TSPAN18: variants seen among roughly 807,000 people sequenced by gnomAD.
TSPAN18 encodes tetraspanin 18, also known as tetraspanin-18.
In TSPAN18, 14 loss-of-function variants were observed where a neutral mutation model predicts 27.3. That is an observed-to-expected ratio of 0.51 (90% CI 0.34 to 0.80). The LOEUF is 0.80. TSPAN18 is among the 30% of genes least tolerant of loss of function. The pLI, the probability that TSPAN18 is intolerant of heterozygous loss-of-function variation, is 0.01. For synonymous variants in TSPAN18, 143 were observed against 136.5 expected (o/e 1.05, Z -0.33); for missense variants, 268 against 323.9 (o/e 0.83, Z 1.32).
At chr11:44,852,126 C>T (rs1857621637) in intron 2 of TSPAN18, among the ~76,000 whole-genome samples, 1 of 152,178 alleles carries the variant, frequency 6.6e-6, no homozygotes, top group Admixed American at 6.5e-5. Context: ...ATTTCACCAC[C>T]CATTGGTCGA....
At chr11:44,894,544 C>T (rs1204620207) in intron 3 of TSPAN18, among the ~76,000 whole-genome samples, 4 of 152,240 alleles carry the variant, frequency 2.6e-5, no homozygotes, top group Non-Finnish European at 2.9e-5. Context: ...CCCTCCTGGG[C>T]CCCTGCTCCG....
chr11:44,923,944 G>A (rs980296246), intron 8 of TSPAN18, among the ~76,000 whole-genome samples: 2 of 152,158 alleles, frequency 1.3e-5, no homozygotes, highest in African/African-American at 2.4e-5. Context: ...AGGGGAAGAT[G>A]AGCTGTCAAG....
intron 2 of TSPAN18, among the ~76,000 whole-genome samples, chr11:44,816,194 T>C (rs1856815427): frequency 6.6e-6 from 1 of 152,192 alleles, no homozygotes; most frequent in East Asian, 1.9e-4. Flanking sequence ...GGCACTGGAC[T>C]GAAAAGGTGC....
chr11:44,808,650 T>C (rs1856652332), intron 2 of TSPAN18, among the ~76,000 whole-genome samples: 1 of 152,232 alleles, frequency 6.6e-6, no homozygotes, highest in Non-Finnish European at 1.5e-5. Context: ...AGAAAGCAAT[T>C]TGAACATGAA....
At chr11:44,764,794 G>A (rs535441120) in intron 2 of TSPAN18, among the ~76,000 whole-genome samples, 1 of 152,276 alleles carries the variant, frequency 6.6e-6, no homozygotes, top group East Asian at 1.9e-4. Context: ...GAGCTCCTGG[G>A]GGCTCCAGGC....
chr11:44,833,817 C>A (rs770841557), intron 2 of TSPAN18, among the ~76,000 whole-genome samples: 2 of 151,886 alleles, frequency 1.3e-5, no homozygotes, highest in African/African-American at 4.8e-5. Context: ...CCTGGTGGGT[C>A]TCTGGGATCT....
intron 4 of TSPAN18, among the ~76,000 whole-genome samples, chr11:44,907,296 G>T (rs1279829645): frequency 6.6e-6 from 1 of 152,166 alleles, no homozygotes; most frequent in Non-Finnish European, 1.5e-5. Context: ...GGCCCCCACA[G>T]GCTTTCCTGG....
At chr11:44,809,362 G>T (rs1856666876) in intron 2 of TSPAN18, among the ~76,000 whole-genome samples, 1 of 151,778 alleles carries the variant, frequency 6.6e-6, no homozygotes, top group Admixed American at 6.6e-5. Flanking sequence ...GCATCCCCAG[G>T]ACCCGGCATG....
At chr11:44,893,375 A>G (rs1441885617) in intron 3 of TSPAN18, among the ~76,000 whole-genome samples, 1 of 152,180 alleles carries the variant, frequency 6.6e-6, no homozygotes, top group East Asian at 1.9e-4. Context: ...CAGGAGCCTA[A>G]TTAGATTTTA....
chr11:44,929,837 G>A lies in TSPAN18; in HGVS notation c.*659G>A, dbSNP rs1360553998. 1 of 152,630 alleles carries A rather than the reference G, an allele frequency of 6.6e-6. No individual in the cohort carries two copies. The highest frequency in any genetic ancestry group is 6.5e-5 in the Admixed American group (1 of 15,300). 9.5% of individuals were successfully genotyped at this position (152,630 alleles called of 1,614,324 possible). ...GACCATCCACAGACACACAGCACAG[G>A]CGTGACAGTTCTGAAAAGAAGCTGA... On this transcript the variant is annotated 3_prime_UTR_variant, in exon 10 of 10. Coordinates refer to ENST00000520358, the MANE Select transcript of TSPAN18 (RefSeq NM_130783.5).
intron 3 of TSPAN18, chr11:44,886,092 G>A (rs560147145): frequency 1.3e-5 from 2 of 152,330 alleles, no homozygotes; most frequent in African/African-American, 4.8e-5. Context: ...GCCTGCCTTC[G>A]AGGTTCAGGA....
At chr11:44,778,059 TG>T (rs1855855424) in intron 2 of TSPAN18, among the ~76,000 whole-genome samples, 1 of 150,880 alleles carries the variant, frequency 6.6e-6, no homozygotes, top group Non-Finnish European at 1.5e-5. Context: ...ATGCTCCAGG[TG>T]GGGGGTGGGG....
chr11:44,790,228 C>A (rs550967569), intron 2 of TSPAN18, among the ~76,000 whole-genome samples: 2 of 140,840 alleles, frequency 1.4e-5, no homozygotes, highest in African/African-American at 2.7e-5. Flanking sequence ...TGTGTATGTC[C>A]ATGTGTTTGT....
chr11:44,762,006 A>G (rs1855464828), intron 1 of TSPAN18, among the ~76,000 whole-genome samples: 1 of 152,202 alleles, frequency 6.6e-6, no homozygotes. Context: ...TTTACATCAA[A>G]GAAAAGGGGT....
intron 2 of TSPAN18, among the ~76,000 whole-genome samples, chr11:44,843,274 G>A (rs1031273833): frequency 3.3e-5 from 5 of 152,144 alleles, no homozygotes; most frequent in Non-Finnish European, 5.9e-5. Context: ...GGCATCCGGG[G>A]GAGACATCAC....
chr11:44,745,026 G>A (rs1005649967), intron 1 of TSPAN18, among the ~76,000 whole-genome samples: 2 of 152,190 alleles, frequency 1.3e-5, no homozygotes, highest in African/African-American at 2.4e-5. Flanking sequence ...GGGAATAGAT[G>A]TGGGGAACTT....
intron 3 of TSPAN18, among the ~76,000 whole-genome samples, chr11:44,863,381 T>A (rs1159304280): frequency 6.6e-6 from 1 of 152,216 alleles, no homozygotes; most frequent in Non-Finnish European, 1.5e-5. Context: ...GGGGCCATCT[T>A]GTCTTCAAGG....
intron 2 of TSPAN18, among the ~76,000 whole-genome samples, chr11:44,788,456 C>CTTTTTTTTTTTTTTTTTTT (rs11458938): frequency 7.9e-6 from 1 of 126,802 alleles, no homozygotes; most frequent in African/African-American, 3.0e-5. Context: ...CTTTTTTTCT[C>CTTTTTTTTTTTTTTTTTTT]TTTTTTTTTT....
intron 2 of TSPAN18, among the ~76,000 whole-genome samples, chr11:44,850,050 C>T (rs1857564310): frequency 6.6e-6 from 1 of 152,076 alleles, no homozygotes; most frequent in Admixed American, 6.5e-5. Flanking sequence ...CTACGTGACC[C>T]CTAATAACCC....
Sources: allele counts gnomAD v4.1 joint callset (sites outside exome capture counted in the v4.1 genomes callset), GRCh38; gene constraint gnomAD v4.1.1; transcripts MANE v1.5; gene names NCBI Gene and HGNC (gene_info 2026-07-23, HGNC 2026-07-21).